The following PRR33 variants were observed in gnomAD, a reference collection of about 807,000 sequenced individuals.
PRR33 encodes the protein proline rich 33.
Under a neutral mutation model 0.5 loss-of-function variants are expected in PRR33, and 1 was observed. The observed-to-expected ratio is 2.18, with a 90% confidence interval of 0.77 to 10.34. The LOEUF (loss-of-function observed/expected upper bound fraction) is 10.34, where lower values mean the gene tolerates loss of function less well. Among genes scored for constraint, PRR33 ranks in the 30% most tolerant of loss-of-function variants. The pLI is 0.13. For missense variants in PRR33, 552 were observed against 251.8 expected, an observed-to-expected ratio of 2.19 and a Z score of -8.07; for synonymous variants, 226 against 110.0, an observed-to-expected ratio of 2.06 and a Z score of -6.60.
At chr11:1,889,639 A>G in exon 1 of PRR33, 1 of 615,854 alleles carries the variant, frequency 1.6e-6, no homozygotes, top group Non-Finnish European at 3.0e-6. Flanking sequence ...GTAGGGGATG[A>G]GGCCCAGGCA....
At chr11:1,914,981 G>A in the PRR33 span, among the ~76,000 whole-genome samples, 31,400 of 150,280 alleles carry the variant, frequency 0.21, 3,440 homozygotes, top group African/African-American at 0.25. Context: ...TGTGTGTTGG[G>A]TGTACAAACC....
the PRR33 span, among the ~76,000 whole-genome samples, chr11:1,913,640 CTAGT>C: frequency 6.6e-6 from 1 of 152,222 alleles, no homozygotes; most frequent in Non-Finnish European, 1.5e-5. Flanking sequence ...GGGCCGCCTT[CTAGT>C]TAGTTGGGTT....
the PRR33 span, among the ~76,000 whole-genome samples, chr11:1,899,383 A>G: frequency 6.6e-6 from 1 of 152,186 alleles, no homozygotes; most frequent in Admixed American, 6.5e-5. Flanking sequence ...TGATACTCTC[A>G]GAAAACCAAA....
At chr11:1,917,143 C>T in the PRR33 span, among the ~76,000 whole-genome samples, 1 of 152,214 alleles carries the variant, frequency 6.6e-6, no homozygotes, top group Non-Finnish European at 1.5e-5. Flanking sequence ...TGCTCCTGTC[C>T]TGGGCCTGGC....
chr11:1,910,669 C>T, the PRR33 span, among the ~76,000 whole-genome samples: 1 of 152,234 alleles, frequency 6.6e-6, no homozygotes, highest in Non-Finnish European at 1.5e-5. Context: ...CAGTGACAAT[C>T]CTTGTCTCAA....
chr11:1,888,749 C>T (rs981971209), exon 1 of PRR33: 1 of 175,928 alleles, frequency 5.7e-6, no homozygotes, highest in Non-Finnish European at 1.2e-5. Context: ...AAACCTTTGA[C>T]AGCAAAAGGT....
At chr11:1,902,089 G>A in the PRR33 span, among the ~76,000 whole-genome samples, 13 of 152,078 alleles carry the variant, frequency 8.5e-5, no homozygotes, top group Admixed American at 7.2e-4. Flanking sequence ...AAAGTTAGCC[G>A]GGCGTGGTGG....
At chr11:1,889,139 G>T (rs1848876175) in exon 1 of PRR33, 1 of 643,654 alleles carries the variant, frequency 1.6e-6, no homozygotes. Context: ...GGCCATTCTG[G>T]CCACTTCACT....
At chr11:1,904,331 C>A in the PRR33 span, among the ~76,000 whole-genome samples, 38 of 152,148 alleles carry the variant, frequency 2.5e-4, no homozygotes, top group African/African-American at 7.7e-4. Context: ...GAGTTCAAAA[C>A]CAGCCTGGGC....
At chr11:1,909,396 A>G in the PRR33 span, among the ~76,000 whole-genome samples, 1 of 151,786 alleles carries the variant, frequency 6.6e-6, no homozygotes, top group African/African-American at 2.4e-5. Context: ...GCGGATCACG[A>G]GGTCAGGAGA....
At chr11:1,897,411 G>A in the PRR33 span, among the ~76,000 whole-genome samples, 3 of 152,204 alleles carry the variant, frequency 2.0e-5, no homozygotes, top group African/African-American at 7.2e-5. This position sits in a 1 kb window ranked among gnomAD's most constrained non-coding sequence, Gnocchi z 4.0. Flanking sequence ...GTAAGGGATA[G>A]AGAGGAACCT....
At chr11:1,897,922 C>A in the PRR33 span, among the ~76,000 whole-genome samples, 6 of 152,252 alleles carry the variant, frequency 3.9e-5, no homozygotes, top group Non-Finnish European at 8.8e-5. The surrounding 1 kb of genome is among the most constrained non-coding windows in gnomAD (Gnocchi z 4.0). Context: ...GTGAAGCATG[C>A]TCCTTAGGTG....
the PRR33 span, chr11:1,903,320 G>T: frequency 6.7e-6 from 1 of 149,568 alleles, no homozygotes; most frequent in Admixed American, 6.7e-5. Flanking sequence ...GCTGTGGAGC[G>T]GGGGGTGGGG....
At chr11:1,899,672 C>T in the PRR33 span, among the ~76,000 whole-genome samples, 1 of 152,154 alleles carries the variant, frequency 6.6e-6, no homozygotes. Context: ...ATTTCCCTTG[C>T]TTAATATTAT....
At chr11:1,917,314 A>G in the PRR33 span, among the ~76,000 whole-genome samples, 1 of 152,150 alleles carries the variant, frequency 6.6e-6, no homozygotes, top group South Asian at 2.1e-4. Context: ...GGCCCCGGCC[A>G]CCATCTGGGG....
At chr11:1,895,080 G>T (rs918280925), upstream of PRR33, among the ~76,000 whole-genome samples, 1 of 152,122 alleles carries the variant, frequency 6.6e-6, no homozygotes, top group Non-Finnish European at 1.5e-5. Flanking sequence ...TCTTTTGCCC[G>T]TTGCTGTAAA....
chr11:1,907,478 C>G, the PRR33 span, among the ~76,000 whole-genome samples: 1 of 152,242 alleles, frequency 6.6e-6, no homozygotes, highest in African/African-American at 2.4e-5. Context: ...GTGGCGCAAT[C>G]TTGGCTCACT....
upstream of PRR33, among the ~76,000 whole-genome samples, chr11:1,893,130 A>G (rs1412660319): frequency 5.8e-5 from 7 of 121,342 alleles, no homozygotes; most frequent in African/African-American, 2.0e-4. Context: ...GGATGGATGA[A>G]TGGATAGACG....
At chr11:1,908,903 G>C in the PRR33 span, among the ~76,000 whole-genome samples, 1 of 152,230 alleles carries the variant, frequency 6.6e-6, no homozygotes, top group South Asian at 2.1e-4. Flanking sequence ...GGAGATAAAG[G>C]AAGTGCTTAT....
Sources: gnomAD v4.1 joint callset for allele counts (sites outside exome capture counted in the v4.1 genomes callset) on GRCh38, gnomAD v4.1.1 for gene constraint, Gnocchi (gnomAD v3.1) non-coding constraint, MANE v1.5 for transcripts, NCBI Gene and HGNC (gene_info 2026-07-23, HGNC 2026-07-21) for gene names.